The following CHD1 variants were observed in gnomAD, a reference collection of about 807,000 sequenced individuals.
CHD1 encodes the protein chromodomain helicase DNA binding protein 1, also known as ATP-dependent chromatin remodeler CHD1.
In CHD1, 36 loss-of-function variants were observed where a neutral mutation model predicts 224.2. That is an observed-to-expected ratio of 0.16 (90% confidence interval 0.12 to 0.21). CHD1 has a LOEUF of 0.21. CHD1 is among the 10% of genes least tolerant of loss of function. The probability of loss-of-function intolerance (pLI) is 1.00; values close to 1 mark genes in which losing one functional copy is unlikely to be tolerated. For synonymous variants in CHD1, 668 were observed against 658.3 expected (o/e 1.01, Z -0.23); for missense variants, 1,378 against 1,994.8 (o/e 0.69, Z 5.89).
intron 30 of CHD1, chr5:98,868,879 C>G: frequency 2.1e-6 from 1 of 468,144 alleles, no homozygotes. Context: ...CTATTCTCCT[C>G]TACTGCATAC....
chr5:98,903,949 G>C, intron 3 of CHD1, 41 bp from the exon 4 acceptor site: 1 of 1,270,414 alleles, frequency 7.9e-7, no homozygotes, highest in Non-Finnish European at 1.1e-6. Context: ...GAAGTATTAA[G>C]AAAACTGCAA....
rs569340914 is a variant in CHD1, at chr5:98,892,837, T to A, written c.1992-124A>T. ...TACTACAGATTTTTAGAAAAAAAAA[T>A]TAGCTAAACTTAGTTACCTCTAAAA... On this transcript the variant is annotated intron_variant, in intron 14 of 35. Coordinates refer to ENST00000614616, the MANE Select transcript of CHD1 (RefSeq NM_001270.4). 252 of 510,282 alleles carry A rather than the reference T, an allele frequency of 4.9e-4. 3 individuals carry two copies. In the South Asian group the frequency reaches 6.3e-3, roughly 13 times the overall value. The allele number at this position is 510,282 out of a possible 1,614,324, so 31.6% of individuals were successfully genotyped here. A position where few individuals can be genotyped will look rare whatever the true frequency, so the allele number is the denominator to read the frequency against.
In CHD1 at chr5:98,902,831, TAAAG is replaced by T. The variant is rs572856335; in HGVS notation, c.437+65_437+68del. 3.0e-5 allele frequency: 31 copies of T among 1,018,778 alleles called. No homozygotes were observed. The African/African-American group carries it at 3.3e-4, about 11-fold the overall frequency. The allele number at this position is 1,018,778 out of a possible 1,614,324, so 63.1% of individuals were successfully genotyped here. On this transcript the variant is annotated intron_variant, in intron 5 of 35. Coordinates refer to ENST00000614616, the MANE Select transcript of CHD1 (RefSeq NM_001270.4). ...AGTCTCCTTTTGGCAACAATTTTCA[TAAAG>T]AAAGAAATATGAAATAATCAGGATT...
chr5:98,908,431 G>A (rs1214123373), intron 2 of CHD1, among the ~76,000 whole-genome samples: 2 of 152,062 alleles, frequency 1.3e-5, no homozygotes, highest in African/African-American at 4.8e-5. Context: ...GTAGTTTTCA[G>A]GTACCCTACC....
At chr5:98,868,720 T>C (rs1425459997) in intron 30 of CHD1, 85 bp from the exon 31 acceptor site, 2 of 1,262,142 alleles carry the variant, frequency 1.6e-6, no homozygotes, top group Non-Finnish European at 2.2e-6. Context: ...AAATAATTAC[T>C]GTCTCATTTT....
At chr5:98,873,507 A>C (rs907475180) in intron 26 of CHD1, 86 bp downstream of exon 26, 51 of 1,033,230 alleles carry the variant, frequency 4.9e-5, no homozygotes, top group Non-Finnish European at 6.4e-5. Flanking sequence ...TGAATAAATA[A>C]TTTAAGATAT....
rs5869836 is a variant in CHD1 at position 98,923,418 on chromosome 5, A to AT, written c.53+2915dup. On this transcript the variant is annotated intron_variant, in intron 2 of 35. Transcript: ENST00000614616. ...CTTAAATTTGATTTCGCAAGGTTTA[A>AT]TTTTTTTTTTTTTTTTGAGACGGAG... Among the ~76,000 whole-genome samples, 444 of 145,884 alleles carry AT rather than the reference A, an allele frequency of 3.0e-3. 5 individuals carry two copies. In the East Asian group the frequency reaches 0.033, roughly 11 times the overall value.
chr5:98,902,761 G>A (rs1751802109), intron 5 of CHD1, 139 bp downstream of exon 5: 1 of 561,908 alleles, frequency 1.8e-6, no homozygotes, highest in East Asian at 3.0e-5. Context: ...TTGTGTAATG[G>A]TGTAAATTAA....
At chr5:98,869,526 T>C (rs1749152614) in intron 30 of CHD1, 2 of 450,314 alleles carry the variant, frequency 4.4e-6, no homozygotes, top group East Asian at 8.4e-5. Flanking sequence ...ACCTTTGCTC[T>C]ATGCCTCTAG....
intron 24 of CHD1, 107 bp from the exon 25 acceptor site, chr5:98,875,220 C>G (rs947768624): frequency 1.6e-6 from 1 of 640,076 alleles, no homozygotes; most frequent in Non-Finnish European, 2.7e-6. Flanking sequence ...TATAAAAATT[C>G]AAGGCACTGT....
intron 31 of CHD1, among the ~76,000 whole-genome samples, chr5:98,867,795 G>GTTTTT (rs71619163): frequency 1.3e-4 from 13 of 98,056 alleles, no homozygotes; most frequent in Non-Finnish European, 1.4e-4. Flanking sequence ...TATCTTCCTT[G>GTTTTT]TTTTTTTTTT....
intron 2 of CHD1, among the ~76,000 whole-genome samples, chr5:98,908,820 C>T (rs1347694891): frequency 8.0e-6 from 1 of 124,396 alleles, no homozygotes; most frequent in Non-Finnish European, 1.7e-5. Flanking sequence ...ATAAATAAAC[C>T]CATTGAATTC....
chr5:98,856,744 G>T lies in CHD1; in HGVS notation c.4788-19C>A, dbSNP rs375895850. The T allele has an allele frequency of 6.9e-7, 1 of 1,458,508 alleles. No individual in the cohort carries two copies. Among genetic ancestry groups the T allele is most frequent in the South Asian group, 1.3e-5 (1 of 79,510 alleles). The allele number at this position is 1,458,508 out of a possible 1,614,324, so 90.3% of individuals were successfully genotyped here. A position where few individuals can be genotyped will look rare whatever the true frequency, so the allele number is the denominator to read the frequency against. On this transcript the variant is annotated intron_variant, in intron 35 of 35. Coordinates refer to ENST00000614616, the MANE Select transcript of CHD1 (RefSeq NM_001270.4). ...GTAATATCTAATAAAGAAAAATTGA[G>T]AATTTTAGACAAATCATGCAAATTA...
intron 5 of CHD1, 112 bp from the exon 6 acceptor site, chr5:98,901,447 G>T (rs1016174799): frequency 1.3e-6 from 1 of 759,286 alleles, no homozygotes; most frequent in Non-Finnish European, 2.0e-6. Flanking sequence ...AAATACTGTT[G>T]CTTTTACTCA....
Position 98,910,073 on chromosome 5 carries a change from T to C in CHD1, c.54-4975A>G, listed in dbSNP as rs112739712. Among the ~76,000 whole-genome samples the C allele has an allele frequency of 4.7e-3, 712 of 152,260 alleles. 8 individuals are homozygous for C. The highest frequency in any genetic ancestry group is 0.016 in the African/African-American group (655 of 41,554). Reference sequence around the variant, plus strand: ...GCAATCTAAGTACTAGGTGAACCTATTACTACTGGACTGGTTGCCTTATTT... The same window carrying C: ...GCAATCTAAGTACTAGGTGAACCTACTACTACTGGACTGGTTGCCTTATTT... On this transcript the variant is annotated intron_variant, in intron 2 of 35. Coordinates refer to ENST00000614616, the MANE Select transcript of CHD1 (RefSeq NM_001270.4).
intron 35 of CHD1, among the ~76,000 whole-genome samples, chr5:98,857,443 C>A (rs1329055870): frequency 1.3e-5 from 2 of 152,058 alleles, no homozygotes; most frequent in African/African-American, 4.8e-5. Flanking sequence ...CATTCTACAA[C>A]TGATGTGTTC....
At position 98,883,179 on chromosome 5, in the gene CHD1, G is replaced by A; in HGVS notation, c.2627C>T (p.Ala876Val). ...GGAATCAAATATAACAACAGTGTCA[G>A]CAGAGGCTAAATTAATCCCTAGACC... ...AGGLGINLAS[A>V]DTVVIFDSDW... Residue 876 changes from alanine (A) to valine (V), a missense_variant, in exon 19 of 36, where the codon GCT becomes GTT. By Grantham distance (64) the Ala-to-Val change is moderately conservative. Coordinates refer to ENST00000614616, the MANE Select transcript of CHD1 (RefSeq NM_001270.4). 6.2e-7 allele frequency: 1 copy of A among 1,606,392 alleles called. No homozygotes were observed. The highest frequency in any genetic ancestry group is 2.2e-5 in the East Asian group (1 of 44,678).
chr5:98,905,314 T>C lies in CHD1; in HGVS notation c.54-216A>G, dbSNP rs1006196829. Among the ~76,000 whole-genome samples the C allele has an allele frequency of 3.9e-5, 6 of 152,224 alleles. No homozygotes were observed. The East Asian group carries it at 1.2e-3, about 29-fold the overall frequency. On this transcript the variant is annotated intron_variant, in intron 2 of 35. Coordinates refer to ENST00000614616, the MANE Select transcript of CHD1 (RefSeq NM_001270.4). ...ACGTGATAGATTATTACATACTTGA[T>C]AGATTTATGACATATTTTATAGATT...
intron 2 of CHD1, among the ~76,000 whole-genome samples, chr5:98,907,638 C>A: frequency 6.7e-6 from 1 of 148,720 alleles, no homozygotes; most frequent in African/African-American, 2.5e-5. Context: ...TTATTTACTG[C>A]TATAGAATGA....
Sources: gnomAD v4.1 joint callset for allele counts (sites outside exome capture counted in the v4.1 genomes callset) on GRCh38, gnomAD v4.1.1 for gene constraint, MANE v1.5 for transcripts, NCBI Gene and HGNC (gene_info 2026-07-23, HGNC 2026-07-21) for gene names.